The following BFSP1 variants were observed in gnomAD, a reference collection of about 807,000 sequenced individuals.
The protein encoded by BFSP1 is beaded filament structural protein 1, also known as filensin.
Under a neutral mutation model 43.9 loss-of-function variants are expected in BFSP1, and 38 were observed. That is an observed-to-expected ratio of 0.87 (90% CI 0.67 to 1.14). The LOEUF (loss-of-function observed/expected upper bound fraction) is 1.14. Ranked by LOEUF, BFSP1 falls within the 50% of genes most tolerant of loss-of-function variation. BFSP1 has a pLI of 0.00. For synonymous variants in BFSP1, 352 were observed against 354.8 expected (o/e 0.99, Z 0.09); for missense variants, 850 against 875.1 (o/e 0.97, Z 0.36).
In BFSP1 at chr20:17,529,090, T is replaced by TGTGTGTGTGTGTGTGTGA. The variant is rs577672397; in HGVS notation, c.377+1862_377+1863insTCACACACACACACACAC. The stretch of plus-strand genomic sequence containing the variant: ...GTGTGTGTGTGTGTGTGTGTGTGTG[T>TGTGTGTGTGTGTGTGTGA]GAGACAGAGTCTCACTCTGTCACCC... On this transcript the variant is annotated intron_variant, in intron 1 of 7. Coordinates refer to ENST00000377873, the MANE Select transcript of BFSP1 (RefSeq NM_001195.5). Among the ~76,000 whole-genome samples the TGTGTGTGTGTGTGTGTGA allele has an allele frequency of 1.6e-3, 246 of 151,610 alleles. 4 individuals carry two copies. Among genetic ancestry groups the TGTGTGTGTGTGTGTGTGA allele is most frequent in the African/African-American group, 5.8e-3 (237 of 41,064 alleles).
chr20:17,523,970 T>C (rs1022221050), intron 2 of BFSP1, among the ~76,000 whole-genome samples: 1 of 152,096 alleles, frequency 6.6e-6, no homozygotes, highest in African/African-American at 2.4e-5. Flanking sequence ...AAAGCATACC[T>C]GGGCATGGCA....
intron 1 of BFSP1, among the ~76,000 whole-genome samples, chr20:17,557,361 C>G (rs2123596326): frequency 6.6e-6 from 1 of 152,334 alleles, no homozygotes; most frequent in South Asian, 2.1e-4. Context: ...TCCCTTCCCA[C>G]CTGCACTGGT....
At position 17,493,984 on chromosome 20, in the gene BFSP1, C is replaced by A; in HGVS notation, c.*90G>T. The A allele has an allele frequency of 1.6e-6, 2 of 1,246,232 alleles. No homozygotes were observed. The highest frequency in any genetic ancestry group is 1.5e-5 in the South Asian group (1 of 67,618). The allele number at this position is 1,246,232 out of a possible 1,614,324, so 77.2% of individuals were successfully genotyped here. On this transcript the variant is annotated 3_prime_UTR_variant, in exon 8 of 8. Coordinates refer to ENST00000377873, the MANE Select transcript of BFSP1 (RefSeq NM_001195.5). ...AACTATGGTCTAATCCAAACAGGAACCCTCACCCTTTTATCATTTGCTCTA... is the reference window on the plus strand; with the variant it reads ...AACTATGGTCTAATCCAAACAGGAAACCTCACCCTTTTATCATTTGCTCTA...
Position 17,531,272 on chromosome 20 carries a change from C to A in BFSP1, c.58G>T (p.Glu20Ter), listed in dbSNP as rs773615057. ...TCGGGCTCGGCGGCGCGCGAAGCCT[C>A]GTCGGCGTGCTCGTACTGCTCCTTG... ...TRKEQYEHAD[E>*]ASRAAEPERP... Residue 20 changes from glutamate to a stop codon, truncating the protein, a stop_gained, in exon 1 of 8, where the codon GAG (glutamate) becomes TAG (stop). Coordinates refer to ENST00000377873, the MANE Select transcript of BFSP1 (RefSeq NM_001195.5). LOFTEE classifies it high-confidence loss of function. 6.9e-7 allele frequency: 1 copy of A among 1,457,648 alleles called. No individual in the cohort carries two copies. Among genetic ancestry groups the A allele is most frequent in the Non-Finnish European group, 9.0e-7 (1 of 1,107,306 alleles). 90.3% of individuals were successfully genotyped at this position (1,457,648 alleles called of 1,614,324 possible). A position where few individuals can be genotyped will look rare whatever the true frequency, so the allele number is the denominator to read the frequency against.
chr20:17,563,332 G>C (rs1172759294), upstream of BFSP1, among the ~76,000 whole-genome samples: 3 of 151,910 alleles, frequency 2.0e-5, no homozygotes, highest in Non-Finnish European at 4.4e-5. Context: ...TAGAAATATG[G>C]TATATGTTTC....
At chr20:17,532,494 A>T (rs2034564329), upstream of BFSP1, among the ~76,000 whole-genome samples, 1 of 151,938 alleles carries the variant, frequency 6.6e-6, no homozygotes, top group African/African-American at 2.4e-5. Context: ...AATTTTAATA[A>T]AAAATGAGAT....
chr20:17,533,038 C>A (rs1418358061), upstream of BFSP1, among the ~76,000 whole-genome samples: 1 of 152,082 alleles, frequency 6.6e-6, no homozygotes, highest in Non-Finnish European at 1.5e-5. Context: ...GGTTATTGTT[C>A]TATTTTCTTA....
chr20:17,499,275 C>G lies in BFSP1; in HGVS notation c.736-235G>C, dbSNP rs139155996. Among the ~76,000 whole-genome samples the G allele has an allele frequency of 2.9e-3, 417 of 145,378 alleles. 8 individuals carry two copies. The highest frequency in any genetic ancestry group is 0.027 in the Admixed American group (382 of 14,226). The stretch of plus-strand genomic sequence containing the variant: ...TTTTTTTTTTTTTGATAGAGGATCT[C>G]ACTTTGTCACCAGGCTGGAATGCAG... On this transcript the variant is annotated intron_variant, in intron 5 of 7. Transcript: ENST00000377873.
Position 17,530,957 on chromosome 20 carries a change from T to C in BFSP1, c.373A>G (p.Ser125Gly). ...CCCCCGATGGCCGCCGCTTACTTGC[T>C]TCGGAACTCGTCGAGCGCGCGCTGC... The part of the protein sequence containing the change: ...EAQRALDEFR[S>G]KYENECECQL... Residue 125 changes from serine (S) to glycine (G), a missense_variant, in exon 1 of 8, where the codon AGC (serine) becomes GGC (glycine). Ser to Gly is a moderately conservative substitution (Grantham distance 56, BLOSUM62 0). Transcript: ENST00000377873. 1 of 1,434,242 alleles carries C rather than the reference T, an allele frequency of 7.0e-7. No individual in the cohort carries two copies. Among genetic ancestry groups the C allele is most frequent in the Non-Finnish European group, 9.1e-7 (1 of 1,097,706 alleles). The allele number at this position is 1,434,242 out of a possible 1,614,324, so 88.8% of individuals were successfully genotyped here. A position where few individuals can be genotyped will look rare whatever the true frequency, so the allele number is the denominator to read the frequency against.
intron 2 of BFSP1, among the ~76,000 whole-genome samples, chr20:17,517,842 T>C (rs1600654587): frequency 6.6e-6 from 1 of 152,168 alleles, no homozygotes. Context: ...ATGCGGCTGG[T>C]GGCTGCCATA....
chr20:17,520,356 C>T (rs917995851), intron 2 of BFSP1, among the ~76,000 whole-genome samples: 2 of 152,028 alleles, frequency 1.3e-5, no homozygotes, highest in Non-Finnish European at 2.9e-5. Context: ...AAAATCAGCC[C>T]TTTTTTAACT....
intron 1 of BFSP1, among the ~76,000 whole-genome samples, chr20:17,537,542 A>G (rs1005421965): frequency 1.4e-5 from 2 of 142,774 alleles, no homozygotes; most frequent in Non-Finnish European, 3.0e-5. Flanking sequence ...TGCTTTTCTC[A>G]GGGTCTAATT....
intron 1 of BFSP1, among the ~76,000 whole-genome samples, chr20:17,526,453 T>G (rs2034426747): frequency 6.6e-6 from 1 of 152,232 alleles, no homozygotes; most frequent in African/African-American, 2.4e-5. Flanking sequence ...CTTGTTTCAC[T>G]TAGCATAATG....
In BFSP1 at chr20:17,493,922, T is replaced by G; in HGVS notation, c.*152A>C. The G allele has an allele frequency of 1.4e-6, 1 of 724,868 alleles. No homozygotes were observed. Among genetic ancestry groups the G allele is most frequent in the Non-Finnish European group, 2.2e-6 (1 of 451,426 alleles). The allele number at this position is 724,868 out of a possible 1,614,324, so 44.9% of individuals were successfully genotyped here. On this transcript the variant is annotated 3_prime_UTR_variant, in exon 8 of 8. Transcript: ENST00000377873. Reference sequence around the variant, plus strand: ...AAAGGATGTGCAAGCAAAGAAAACATTTTAATGAAGGCTTCGTTGGCAATG... The same window carrying G: ...AAAGGATGTGCAAGCAAAGAAAACAGTTTAATGAAGGCTTCGTTGGCAATG...
At chr20:17,562,526 C>CA (rs550158623), upstream of BFSP1, among the ~76,000 whole-genome samples, 824 of 47,764 alleles carry the variant, frequency 0.017, 31 homozygotes, top group African/African-American at 0.031. Flanking sequence ...GACTCTGTCT[C>CA]AAAAAAAAAA....
chr20:17,553,868 TATACATATATATATATAC>T (rs1275689298), intron 1 of BFSP1, among the ~76,000 whole-genome samples: 3,674 of 128,754 alleles, frequency 0.029, 79 homozygotes, highest in Middle Eastern at 0.045. Context: ...TACACATATA[TATACATATATATATATAC>T]ACACATATAT....
intron 1 of BFSP1, chr20:17,541,032 G>C (rs1430852996): frequency 6.5e-6 from 1 of 152,710 alleles, no homozygotes; most frequent in Non-Finnish European, 1.5e-5. Flanking sequence ...TAAAGAGTGA[G>C]TGAATATTAG....
intron 1 of BFSP1, among the ~76,000 whole-genome samples, chr20:17,540,859 A>G (rs1042420336): frequency 1.3e-5 from 2 of 152,176 alleles, no homozygotes; most frequent in African/African-American, 2.4e-5. Flanking sequence ...TAAAGCCTAC[A>G]GGTAGTAATA....
At position 17,525,059 on chromosome 20, in the gene BFSP1, A is replaced by G. The variant is rs1271587463; in HGVS notation, c.378-151T>C. ...TAAAGTAGTAGCTAACGAATGCTGC[A>G]TTTCCTAGCTGACTGCCTCCCAATC... On this transcript the variant is annotated intron_variant, in intron 1 of 7. Coordinates refer to ENST00000377873, the MANE Select transcript of BFSP1 (RefSeq NM_001195.5). The surrounding 1 kb of genome is among the most constrained non-coding windows in gnomAD (Gnocchi z 4.2). 3 of 704,750 alleles carry G rather than the reference A, an allele frequency of 4.3e-6. No individual in the cohort carries two copies. In the African/African-American group the frequency reaches 5.3e-5, roughly 12 times the overall value. The allele number at this position is 704,750 out of a possible 1,614,324, so 43.7% of individuals were successfully genotyped here. A position where few individuals can be genotyped will look rare whatever the true frequency, so the allele number is the denominator to read the frequency against.
Sources: allele counts gnomAD v4.1 joint callset (sites outside exome capture counted in the v4.1 genomes callset), GRCh38; gene constraint gnomAD v4.1.1; non-coding constraint Gnocchi (gnomAD v3.1); transcripts MANE v1.5; gene names NCBI Gene and HGNC (gene_info 2026-07-23, HGNC 2026-07-21).